NPTN: variants seen among roughly 807,000 people sequenced by gnomAD.
The protein encoded by NPTN is SDR-1.
NPTN carries 5 observed loss-of-function variants against 42.7 expected under a neutral mutation model. The ratio of observed to expected loss-of-function variants is 0.12; its 90% CI spans 0.06 to 0.25. The LOEUF is 0.25. NPTN is among the 10% of genes least tolerant of loss of function. The pLI, the probability that NPTN is intolerant of heterozygous loss-of-function variation, is 1.00. For synonymous variants in NPTN, 180 were observed against 201.9 expected (o/e 0.89, Z 0.92); for missense variants, 307 against 525.4 (o/e 0.58, Z 4.06).
intron 1 of NPTN, among the ~76,000 whole-genome samples, chr15:73,615,337 G>A (rs1354811192): frequency 6.6e-6 from 1 of 151,950 alleles, no homozygotes; most frequent in African/African-American, 2.4e-5. Context: ...AGCCTTTATT[G>A]ATCATTTGTG....
intron 1 of NPTN, among the ~76,000 whole-genome samples, chr15:73,625,420 G>A (rs777183116): frequency 2.0e-5 from 3 of 151,472 alleles, no homozygotes; most frequent in South Asian, 2.1e-4. Context: ...GCATGTTCTC[G>A]GCTCCCGGGT....
intron 6 of NPTN, chr15:73,567,110 A>T (rs1011072128): frequency 2.0e-6 from 2 of 982,232 alleles, no homozygotes; most frequent in Non-Finnish European, 2.4e-6. Flanking sequence ...ACTTAAACTA[A>T]ACTATGTAAG....
At chr15:73,580,155 A>G (rs185918147) in intron 4 of NPTN, among the ~76,000 whole-genome samples, 1 of 151,956 alleles carries the variant, frequency 6.6e-6, no homozygotes, top group East Asian at 1.9e-4. Context: ...TCCAGAGACT[A>G]TGCTTTTTGT....
chr15:73,561,429 A>G (rs1286411310), intron 8 of NPTN, among the ~76,000 whole-genome samples: 2 of 152,250 alleles, frequency 1.3e-5, no homozygotes, highest in Non-Finnish European at 2.9e-5. Flanking sequence ...CTGTAATCCC[A>G]GCACTTCTGG....
At chr15:73,595,123 T>C (rs1896774263) in intron 2 of NPTN, among the ~76,000 whole-genome samples, 1 of 152,178 alleles carries the variant, frequency 6.6e-6, no homozygotes, top group South Asian at 2.1e-4. Flanking sequence ...CTATGTATTC[T>C]CGGGATTGGT....
At chr15:73,629,237 G>A (rs1211276505) in intron 1 of NPTN, among the ~76,000 whole-genome samples, 1 of 152,192 alleles carries the variant, frequency 6.6e-6, no homozygotes, top group Non-Finnish European at 1.5e-5. Context: ...CTGAAAGCCT[G>A]TGATCTCCTT....
chr15:73,570,071 ATAG>A lies in NPTN; in HGVS notation c.1114+76_1114+78del. 1 of 1,437,768 alleles carries A rather than the reference ATAG, an allele frequency of 7.0e-7. No homozygotes were observed. The highest frequency in any genetic ancestry group is 1.4e-5 in the South Asian group (1 of 70,616). The allele number at this position is 1,437,768 out of a possible 1,614,324, so 89.1% of individuals were successfully genotyped here. A position where few individuals can be genotyped will look rare whatever the true frequency, so the allele number is the denominator to read the frequency against. Reference sequence around the variant, plus strand: ...TTAGGGATTGAATCCCAACATCCCTATAGTCCTCTTTGGGTACTTGGAAACCAC... The same window carrying A: ...TTAGGGATTGAATCCCAACATCCCTATCCTCTTTGGGTACTTGGAAACCAC... On this transcript the variant is annotated intron_variant, in intron 6 of 8. Coordinates refer to ENST00000345330, the MANE Select transcript of NPTN (RefSeq NM_012428.4). The surrounding 1 kb of genome is among the most constrained non-coding windows in gnomAD (Gnocchi z 4.0).
chr15:73,563,268 T>G lies in NPTN; in HGVS notation c.1115-11A>C. 6.2e-7 allele frequency: 1 copy of G among 1,612,454 alleles called. No individual in the cohort carries two copies. The highest frequency in any genetic ancestry group is 8.5e-7 in the Non-Finnish European group (1 of 1,178,728). On this transcript the variant is annotated splice_polypyrimidine_tract_variant and intron_variant, in intron 6 of 8. Coordinates refer to ENST00000345330, the MANE Select transcript of NPTN (RefSeq NM_012428.4). The stretch of plus-strand genomic sequence containing the variant: ...CAGCTGGTTCATCATCTACATGGTG[T>G]TCAGTTTTTTAAAAATCCATGAGAG...
chr15:73,605,505 G>A (rs1897259982), intron 1 of NPTN, among the ~76,000 whole-genome samples: 1 of 151,872 alleles, frequency 6.6e-6, no homozygotes, highest in African/African-American at 2.4e-5. Flanking sequence ...GAGGCGGGCA[G>A]ATCACCTGAG....
At chr15:73,616,579 C>T (rs184977465) in intron 1 of NPTN, among the ~76,000 whole-genome samples, 43 of 152,282 alleles carry the variant, frequency 2.8e-4, no homozygotes, top group Admixed American at 7.2e-4. Flanking sequence ...CTCAGGAAAT[C>T]CCAAAATTCA....
At chr15:73,579,306 A>C (rs548330425) in intron 4 of NPTN, among the ~76,000 whole-genome samples, 1 of 152,016 alleles carries the variant, frequency 6.6e-6, no homozygotes, top group East Asian at 1.9e-4. Flanking sequence ...CCAAGTAAAA[A>C]TATCAAGTAG....
At chr15:73,584,976 G>T (rs1419501833) in intron 4 of NPTN, among the ~76,000 whole-genome samples, 2 of 152,074 alleles carry the variant, frequency 1.3e-5, no homozygotes, top group Non-Finnish European at 2.9e-5. Flanking sequence ...GTAGACCACA[G>T]ATAACTCAAG....
chr15:73,570,794 C>T lies in NPTN; in HGVS notation c.841-371G>A, dbSNP rs1053962065. Among the ~76,000 whole-genome samples the T allele has an allele frequency of 3.3e-5, 5 of 152,186 alleles. No individual in the cohort carries two copies. In the East Asian group the frequency reaches 5.8e-4, roughly 18 times the overall value. ...ACAACCCCTACAGTCAGGCATGCCTCGGGGACCTCAGGCCTCTCTGATGAC... is the reference window on the plus strand; with the variant it reads ...ACAACCCCTACAGTCAGGCATGCCTTGGGGACCTCAGGCCTCTCTGATGAC... On this transcript the variant is annotated intron_variant, in intron 5 of 8. Transcript: ENST00000345330. The surrounding 1 kb of genome is among the most constrained non-coding windows in gnomAD (Gnocchi z 4.0).
At chr15:73,609,585 G>A (rs997044577) in intron 1 of NPTN, among the ~76,000 whole-genome samples, 1 of 152,058 alleles carries the variant, frequency 6.6e-6, no homozygotes, top group Non-Finnish European at 1.5e-5. Context: ...GAGCCGAGAC[G>A]GCGCCATTGT....
rs370394540 is a variant in NPTN at position 73,607,581 on chromosome 15, T to C, written c.92-10212A>G. On this transcript the variant is annotated intron_variant, in intron 1 of 8. Coordinates refer to ENST00000345330, the MANE Select transcript of NPTN (RefSeq NM_012428.4). ...ACAGCCATTCTCAGAAACCACAGAG[T>C]CAAAAACTCTGACCAGAGGGAAATT... 3.9e-5 allele frequency among the ~76,000 whole-genome samples: 6 copies of C among 152,052 alleles called. No individual in the cohort carries two copies. The East Asian group carries it at 9.7e-4, about 24-fold the overall frequency.
chr15:73,580,451 T>TA (rs539918698), intron 4 of NPTN, among the ~76,000 whole-genome samples: 1,880 of 137,216 alleles, frequency 0.014, 118 homozygotes, highest in African/African-American at 0.05. Context: ...AATATATATG[T>TA]ATATATACAA....
intron 4 of NPTN, among the ~76,000 whole-genome samples, chr15:73,580,511 T>C (rs1014362273): frequency 1.5e-5 from 2 of 131,796 alleles, no homozygotes; most frequent in Non-Finnish European, 3.1e-5. Context: ...ATATATATTA[T>C]ATATAATATA....
chr15:73,629,839 GAAAAAAAAGAA>G (rs1057061470), intron 1 of NPTN, among the ~76,000 whole-genome samples: 22 of 138,854 alleles, frequency 1.6e-4, no homozygotes, highest in Admixed American at 1.4e-3. Context: ...TTGGTTCACA[GAAAAAAAAGAA>G]AAAAAAAAGC....
At chr15:73,564,223 AAAAGTC>A (rs1894849892) in intron 6 of NPTN, among the ~76,000 whole-genome samples, 1 of 152,230 alleles carries the variant, frequency 6.6e-6, no homozygotes, top group South Asian at 2.1e-4. Flanking sequence ...TTTATTATAC[AAAAGTC>A]AGGTAAACTA....
Sources: gnomAD v4.1 joint callset for allele counts (sites outside exome capture counted in the v4.1 genomes callset) on GRCh38, gnomAD v4.1.1 for gene constraint, Gnocchi (gnomAD v3.1) non-coding constraint, MANE v1.5 for transcripts, NCBI Gene and HGNC (gene_info 2026-07-23, HGNC 2026-07-21) for gene names.